The following MCMDC2 variants were observed in gnomAD, a reference collection of about 807,000 sequenced individuals.
MCMDC2 encodes minichromosome maintenance domain containing 2.
In MCMDC2, 54 loss-of-function variants were observed where a neutral mutation model predicts 75.8. That is an observed-to-expected ratio of 0.71 (90% CI 0.57 to 0.89). The LOEUF is 0.89. Ranked by LOEUF, MCMDC2 falls within the 40% of genes least tolerant of loss-of-function variation. MCMDC2 has a pLI of 0.00. For missense variants in MCMDC2, 656 were observed against 780.4 expected (o/e 0.84, Z 1.90); for synonymous variants, 249 against 274.6 (o/e 0.91, Z 0.92).
At chr8:66,894,716 ATAC>A (rs1222603292) in intron 10 of MCMDC2, among the ~76,000 whole-genome samples, 5 of 152,354 alleles carry the variant, frequency 3.3e-5, no homozygotes, top group East Asian at 1.9e-4. Flanking sequence ...TAGAATGGCA[ATAC>A]TACTATTACA....
intron 13 of MCMDC2, 105 bp downstream of exon 13, chr8:66,901,453 AGTTG>A: frequency 6.7e-7 from 1 of 1,482,540 alleles, no homozygotes; most frequent in South Asian, 1.5e-5. Context: ...CTTGATTGCT[AGTTG>A]GTTGGTTTGT....
At chr8:66,917,199 T>G (rs1262146859) in intron 14 of MCMDC2, among the ~76,000 whole-genome samples, 1 of 152,104 alleles carries the variant, frequency 6.6e-6, no homozygotes, top group Non-Finnish European at 1.5e-5. Flanking sequence ...AGCAGTGTTC[T>G]TAAGAGATAG....
intron 14 of MCMDC2, among the ~76,000 whole-genome samples, chr8:66,908,318 A>G (rs1009227886): frequency 2.7e-4 from 41 of 152,150 alleles, no homozygotes; most frequent in African/African-American, 9.2e-4. Flanking sequence ...ACCATTTGCT[A>G]AATAGGGAAT....
At chr8:66,904,970 A>T (rs1812847122) in intron 13 of MCMDC2, among the ~76,000 whole-genome samples, 3 of 152,148 alleles carry the variant, frequency 2.0e-5, no homozygotes, top group African/African-American at 7.2e-5. Flanking sequence ...TATCTGAACA[A>T]AACTTCGGGA....
At chr8:66,902,358 C>G (rs965966268) in intron 13 of MCMDC2, among the ~76,000 whole-genome samples, 2 of 151,292 alleles carry the variant, frequency 1.3e-5, no homozygotes, top group South Asian at 2.1e-4. Flanking sequence ...CCACTTTACT[C>G]CAGCCTGCGT....
downstream of MCMDC2, chr8:66,922,613 C>T (rs113375061): frequency 2.0e-6 from 1 of 491,518 alleles, no homozygotes; most frequent in African/African-American, 2.0e-5. Context: ...AATTTAGGTA[C>T]CTCAATACAT....
At chr8:66,916,501 G>A (rs900667627) in intron 14 of MCMDC2, among the ~76,000 whole-genome samples, 2 of 152,158 alleles carry the variant, frequency 1.3e-5, no homozygotes, top group Non-Finnish European at 2.9e-5. Flanking sequence ...TTCACTTAAA[G>A]GGAAAAGAAG....
At chr8:66,891,175 A>T (rs1812091542) in intron 10 of MCMDC2, 105 bp downstream of exon 10, 3 of 999,080 alleles carry the variant, frequency 3.0e-6, no homozygotes, top group Non-Finnish European at 4.3e-6. Flanking sequence ...TGAGGGTTTA[A>T]GAAATTATGT....
At chr8:66,894,519 T>C (rs942793797) in intron 10 of MCMDC2, among the ~76,000 whole-genome samples, 2 of 152,230 alleles carry the variant, frequency 1.3e-5, no homozygotes, top group African/African-American at 2.4e-5. Context: ...ATAAAAATTG[T>C]TTTGTGCAGC....
downstream of MCMDC2, among the ~76,000 whole-genome samples, chr8:66,924,750 T>C (rs1220210629): frequency 6.6e-6 from 1 of 152,044 alleles, no homozygotes; most frequent in Non-Finnish European, 1.5e-5. Context: ...AATACAAGCA[T>C]CTCCGTGTGT....
downstream of MCMDC2, among the ~76,000 whole-genome samples, chr8:66,922,927 T>G (rs1813608439): frequency 6.6e-6 from 1 of 152,230 alleles, no homozygotes. Context: ...TAGTCAGTAC[T>G]GACAAACCCA....
chr8:66,882,808 AAG>A (rs1321472490), intron 8 of MCMDC2, among the ~76,000 whole-genome samples: 2 of 152,250 alleles, frequency 1.3e-5, no homozygotes, highest in African/African-American at 2.4e-5. Flanking sequence ...ATGTTAAAGA[AAG>A]AAAGCACTGA....
rs756256864 is a variant in MCMDC2 at position 66,880,832 on chromosome 8, G to T, written c.710-17G>T. 1.3e-6 allele frequency: 2 copies of T among 1,516,194 alleles called. No individual in the cohort carries two copies. Among genetic ancestry groups the T allele is most frequent in the Non-Finnish European group, 1.8e-6 (2 of 1,131,836 alleles). 93.9% of individuals were successfully genotyped at this position (1,516,194 alleles called of 1,614,324 possible). A position where few individuals can be genotyped will look rare whatever the true frequency, so the allele number is the denominator to read the frequency against. On this transcript the variant is annotated splice_polypyrimidine_tract_variant and intron_variant, in intron 7 of 14. Coordinates refer to ENST00000422365, the MANE Select transcript of MCMDC2 (RefSeq NM_173518.5). Reference sequence around the variant, plus strand: ...ATTTAGTGAATATGTATTTTCTTCTGTCTTTAATAATTTTAGATGAATCAG... The same window carrying T: ...ATTTAGTGAATATGTATTTTCTTCTTTCTTTAATAATTTTAGATGAATCAG...
chr8:66,875,045 C>T (rs769110999), intron 4 of MCMDC2, among the ~76,000 whole-genome samples: 8 of 152,028 alleles, frequency 5.3e-5, no homozygotes, highest in Non-Finnish European at 1.2e-4. Context: ...TGAGCCACCG[C>T]GCCTGGCCAA....
chr8:66,885,982 A>G (rs913742502), intron 9 of MCMDC2, among the ~76,000 whole-genome samples: 22 of 152,160 alleles, frequency 1.4e-4, no homozygotes, highest in African/African-American at 4.8e-4. Flanking sequence ...ATACGAATGT[A>G]CCAAAATTCA....
intron 10 of MCMDC2, among the ~76,000 whole-genome samples, chr8:66,892,936 T>G (rs1437156044): frequency 6.6e-6 from 1 of 152,250 alleles, no homozygotes; most frequent in East Asian, 1.9e-4. Context: ...GGTGTATAAT[T>G]CTTTTTCTAC....
chr8:66,896,692 A>G (rs1812368722), intron 11 of MCMDC2, 88 bp from the exon 12 acceptor site: 2 of 930,618 alleles, frequency 2.1e-6, no homozygotes, highest in Non-Finnish European at 3.0e-6. Flanking sequence ...TAATAACAAC[A>G]TATAATAATT....
intron 10 of MCMDC2, among the ~76,000 whole-genome samples, chr8:66,891,826 T>C (rs925122598): frequency 2.0e-5 from 3 of 152,218 alleles, no homozygotes; most frequent in Non-Finnish European, 4.4e-5. Context: ...CACCAGCCGC[T>C]GTGGCAGGGC....
chr8:66,907,863 A>G (rs1024713942), intron 14 of MCMDC2, among the ~76,000 whole-genome samples: 12 of 151,844 alleles, frequency 7.9e-5, no homozygotes, highest in African/African-American at 2.9e-4. Context: ...TTGGCTGCAT[A>G]AATGTCTTTT....
Sources: gnomAD v4.1 joint callset for allele counts (sites outside exome capture counted in the v4.1 genomes callset) on GRCh38, gnomAD v4.1.1 for gene constraint, MANE v1.5 for transcripts, NCBI Gene and HGNC (gene_info 2026-07-23, HGNC 2026-07-21) for gene names.